DCBLD1: variants seen among roughly 807,000 people sequenced by gnomAD.
The protein encoded by DCBLD1 is discoidin, CUB and LCCL domain containing 1, also known as discoidin, CUB and LCCL domain-containing protein 1.
In DCBLD1, 57 loss-of-function variants were observed where a neutral mutation model predicts 71.5. The ratio of observed to expected loss-of-function variants is 0.80; its 90% CI spans 0.64 to 0.99. The LOEUF (loss-of-function observed/expected upper bound fraction) is 0.99, where lower values mean the gene tolerates loss of function less well. DCBLD1 is among the 50% of genes least tolerant of loss of function. The probability of loss-of-function intolerance (pLI) is 0.00; values close to 1 mark genes in which losing one functional copy is unlikely to be tolerated. For synonymous variants in DCBLD1, 380 were observed against 363.8 expected, an observed-to-expected ratio of 1.04 and a Z score of -0.51; for missense variants, 891 against 923.5, an observed-to-expected ratio of 0.96 and a Z score of 0.46.
At chr6:117,531,810 CTAAGTA>C (rs1778729468) in intron 5 of DCBLD1, among the ~76,000 whole-genome samples, 1 of 152,164 alleles carries the variant, frequency 6.6e-6, no homozygotes, top group Admixed American at 6.5e-5. Context: ...GTCTAATAGC[CTAAGTA>C]TAAGAAACTG....
chr6:117,521,418 GAATA>G, intron 3 of DCBLD1, 103 bp from the exon 4 acceptor site: 1 of 920,952 alleles, frequency 1.1e-6, no homozygotes, highest in Non-Finnish European at 1.6e-6. Flanking sequence ...ACTACATAGT[GAATA>G]AATGCTTTTT....
At position 117,547,668 on chromosome 6, in the gene DCBLD1, C is replaced by T. The variant is rs1477431104; in HGVS notation, c.1616-239C>T. ...ATGTCCCCATGCCCCAGGACGTCGT[C>T]GTCGCCCCCATCTCTGAGAAGACCC... On this transcript the variant is annotated intron_variant, in intron 14 of 14. Coordinates refer to ENST00000338728, the MANE Select transcript of DCBLD1 (RefSeq NM_001366458.2). 1.1e-5 allele frequency: 9 copies of T among 807,132 alleles called. No homozygotes were observed. In the East Asian group the frequency reaches 1.4e-4, roughly 12 times the overall value. The allele number at this position is 807,132 out of a possible 1,614,324, so 50.0% of individuals were successfully genotyped here. A position where few individuals can be genotyped will look rare whatever the true frequency, so the allele number is the denominator to read the frequency against.
Position 117,505,355 on chromosome 6 carries a change from A to C in DCBLD1, c.325+1376A>C, listed in dbSNP as rs568471449. Reference sequence around the variant, plus strand: ...CCTCATTAGCCAGGAGATTTCTCTCAGATTCTGAGGAGGGGGTAAGTGTCA... The same window carrying C: ...CCTCATTAGCCAGGAGATTTCTCTCCGATTCTGAGGAGGGGGTAAGTGTCA... On this transcript the variant is annotated intron_variant, in intron 2 of 14. Transcript: ENST00000338728. Among the ~76,000 whole-genome samples the C allele has an allele frequency of 2.0e-5, 3 of 152,274 alleles. No homozygotes were observed. In the South Asian group the frequency reaches 6.2e-4, roughly 32 times the overall value.
At chr6:117,519,698 A>T in intron 2 of DCBLD1, 118 bp from the exon 3 acceptor site, 1 of 1,303,700 alleles carries the variant, frequency 7.7e-7, no homozygotes, top group Non-Finnish European at 1.0e-6. Flanking sequence ...GGTAAAGATT[A>T]TAATCATACA....
intron 1 of DCBLD1, among the ~76,000 whole-genome samples, chr6:117,491,004 T>C (rs755721119): frequency 2.6e-5 from 4 of 152,212 alleles, no homozygotes; most frequent in Non-Finnish European, 5.9e-5. Context: ...AAAAGGATAT[T>C]AAAAGTGTGA....
intron 4 of DCBLD1, among the ~76,000 whole-genome samples, chr6:117,524,200 A>T (rs1271990488): frequency 5.0e-5 from 7 of 140,984 alleles, no homozygotes; most frequent in Non-Finnish European, 3.1e-5. Flanking sequence ...TTGAATCCTA[A>T]TTTTTTTTTT....
At chr6:117,533,647 A>T (rs549126073) in intron 6 of DCBLD1, among the ~76,000 whole-genome samples, 1 of 152,364 alleles carries the variant, frequency 6.6e-6, no homozygotes, top group South Asian at 2.1e-4. Context: ...ACGAACTCAC[A>T]TATAAACTTT....
chr6:117,509,042 A>G (rs975571394), intron 2 of DCBLD1, among the ~76,000 whole-genome samples: 26 of 152,186 alleles, frequency 1.7e-4, no homozygotes, highest in Admixed American at 1.7e-3. Flanking sequence ...CCTACTCACA[A>G]GTGTGAGCCA....
intron 5 of DCBLD1, among the ~76,000 whole-genome samples, chr6:117,526,806 T>C (rs1214855881): frequency 6.6e-6 from 1 of 152,238 alleles, no homozygotes; most frequent in African/African-American, 2.4e-5. Context: ...TGCTGCATAA[T>C]AATATTACCA....
In DCBLD1 at chr6:117,546,207, G is replaced by C. The variant is rs146644860; in HGVS notation, c.1615+610G>C. Among the ~76,000 whole-genome samples the C allele has an allele frequency of 3.5e-4, 54 of 152,258 alleles. 1 individual carries two copies. The highest frequency in any genetic ancestry group is 6.5e-4 in the Non-Finnish European group (44 of 68,012). On this transcript the variant is annotated intron_variant, in intron 14 of 14. Transcript: ENST00000338728. The stretch of plus-strand genomic sequence containing the variant: ...TTAGATTCAACAGACATAAAATTAA[G>C]AGTAATAAAGAGTAACTAAGAGTAG...
At chr6:117,569,801 G>A (rs867686099) in exon 15 of DCBLD1, 28 of 1,435,038 alleles carry the variant, frequency 2.0e-5, no homozygotes, top group Middle Eastern at 3.7e-4. Flanking sequence ...GATTAATCTA[G>A]AGATAAAATA....
At chr6:117,526,882 AT>A (rs1778561740) in intron 5 of DCBLD1, among the ~76,000 whole-genome samples, 1 of 152,204 alleles carries the variant, frequency 6.6e-6, no homozygotes, top group African/African-American at 2.4e-5. Context: ...GAGACTGGAC[AT>A]GGTTTAGCTG....
chr6:117,538,855 T>C lies in DCBLD1; in HGVS notation c.976+20T>C, dbSNP rs1432312063. ...TAACAGGTGCAGAAAATAACACAAG[T>C]GCCAAGTGCAGGAGTAGTTTCATGA... On this transcript the variant is annotated intron_variant, in intron 8 of 14. Coordinates refer to ENST00000338728, the MANE Select transcript of DCBLD1 (RefSeq NM_001366458.2). 1 of 1,598,188 alleles carries C rather than the reference T, an allele frequency of 6.3e-7. No homozygotes were observed. The highest frequency in any genetic ancestry group is 8.5e-7 in the Non-Finnish European group (1 of 1,171,600).
At chr6:117,540,416 TACA>T (rs1184297437) in intron 9 of DCBLD1, 20 of 426,184 alleles carry the variant, frequency 4.7e-5, no homozygotes, top group Non-Finnish European at 7.7e-5. Flanking sequence ...GGTCAAATAA[TACA>T]ACAAGGCAAT....
At chr6:117,483,903 G>A (rs1038101979) in intron 1 of DCBLD1, among the ~76,000 whole-genome samples, 7 of 151,848 alleles carry the variant, frequency 4.6e-5, no homozygotes, top group Admixed American at 2.0e-4. Flanking sequence ...TTTTTTCACT[G>A]AACTATGCCT....
At chr6:117,550,501 A>G (rs1466152581), downstream of DCBLD1, among the ~76,000 whole-genome samples, 1 of 152,176 alleles carries the variant, frequency 6.6e-6, no homozygotes, top group African/African-American at 2.4e-5. Context: ...CACTTCTTAA[A>G]TTTGCGGTTG....
At chr6:117,556,555 C>T (rs547871416) in intron 14 of DCBLD1, among the ~76,000 whole-genome samples, 214 of 152,192 alleles carry the variant, frequency 1.4e-3, no homozygotes, top group African/African-American at 4.7e-3. Flanking sequence ...GATTTCATTC[C>T]TTTTTTCATG....
intron 1 of DCBLD1, among the ~76,000 whole-genome samples, chr6:117,498,131 A>G (rs532409046): frequency 6.6e-6 from 1 of 152,344 alleles, no homozygotes; most frequent in South Asian, 2.1e-4. Context: ...TAAATTCTGT[A>G]CATAGATCAC....
intron 11 of DCBLD1, among the ~76,000 whole-genome samples, chr6:117,541,858 A>C (rs1309110541): frequency 6.6e-6 from 1 of 152,190 alleles, no homozygotes; most frequent in Non-Finnish European, 1.5e-5. Context: ...AGCATTTTCC[A>C]ATGTTATTGG....
Sources: gnomAD v4.1 joint callset for allele counts (sites outside exome capture counted in the v4.1 genomes callset) on GRCh38, gnomAD v4.1.1 for gene constraint, MANE v1.5 for transcripts, NCBI Gene and HGNC (gene_info 2026-07-23, HGNC 2026-07-21) for gene names.